The following NKD1 variants were observed in gnomAD, a reference collection of about 807,000 sequenced individuals.
The protein encoded by NKD1 is NKD inhibitor of Wnt signaling pathway 1, also known as protein naked cuticle homolog 1.
In NKD1, 21 loss-of-function variants were observed where a neutral mutation model predicts 56.0. The ratio of observed to expected loss-of-function variants is 0.38; its 90% CI spans 0.27 to 0.54. The LOEUF (loss-of-function observed/expected upper bound fraction) is 0.54. Ranked by LOEUF, NKD1 falls within the 20% of genes least tolerant of loss-of-function variation. NKD1 has a pLI of 0.82. For missense variants in NKD1, 578 were observed against 642.7 expected, an observed-to-expected ratio of 0.90 and a Z score of 1.09; for synonymous variants, 263 against 265.7, an observed-to-expected ratio of 0.99 and a Z score of 0.10.
Position 50,623,735 on chromosome 16 carries a change from G to GTA in NKD1, c.367-1749_367-1748insAT, listed in dbSNP as rs1234282387. Among the ~76,000 whole-genome samples, 1 of 151,692 alleles carries GTA rather than the reference G, an allele frequency of 6.6e-6. No homozygotes were observed. Among genetic ancestry groups the GTA allele is most frequent in the East Asian group, 1.9e-4 (1 of 5,164 alleles). On this transcript the variant is annotated intron_variant, in intron 5 of 9. Coordinates refer to ENST00000268459, the MANE Select transcript of NKD1 (RefSeq NM_033119.5). The surrounding 1 kb of genome is among the most constrained non-coding windows in gnomAD (Gnocchi z 4.1). ...GGAAACAGGTAAGTGCTGTGTGTGT[G>GTA]TGTGTGTGTGTGTGTGTGTGTGTGT...
rs5816707 is a variant in NKD1, at chr16:50,598,229, CTGTG to C, written c.193-10034_193-10031del. The stretch of plus-strand genomic sequence containing the variant: ...CACTGCAGGGCCGCATGGGTGGACT[CTGTG>C]TGTGTGTGTGTGTGTGTGTGTGTGT... On this transcript the variant is annotated intron_variant, in intron 3 of 9. Coordinates refer to ENST00000268459, the MANE Select transcript of NKD1 (RefSeq NM_033119.5). The surrounding 1 kb of genome is among the most constrained non-coding windows in gnomAD (Gnocchi z 4.2). Among the ~76,000 whole-genome samples the C allele has an allele frequency of 0.014, 2,009 of 143,920 alleles. 32 individuals are homozygous for C. Among genetic ancestry groups the C allele is most frequent in the African/African-American group, 0.034 (1,282 of 37,948 alleles). 94.4% of individuals were successfully genotyped at this position (143,920 alleles called of 152,430 possible). A position where few individuals can be genotyped will look rare whatever the true frequency, so the allele number is the denominator to read the frequency against.
chr16:50,583,834 T>A (rs757618895), intron 3 of NKD1, among the ~76,000 whole-genome samples: 37 of 152,326 alleles, frequency 2.4e-4, no homozygotes, highest in Non-Finnish European at 4.0e-4. Context: ...TGTGGCTTGA[T>A]CCCTTCATGG....
At chr16:50,609,836 T>C (rs1389622982) in intron 4 of NKD1, among the ~76,000 whole-genome samples, 1 of 152,184 alleles carries the variant, frequency 6.6e-6, no homozygotes, top group African/African-American at 2.4e-5. Context: ...AGGAGTCCCA[T>C]GAACAGAAAG....
intron 5 of NKD1, among the ~76,000 whole-genome samples, chr16:50,622,766 A>G (rs1962121569): frequency 6.6e-6 from 1 of 152,104 alleles, no homozygotes; most frequent in Non-Finnish European, 1.5e-5. Context: ...GGCACCGGCT[A>G]ATTGCCAGGG....
At chr16:50,608,077 T>C (rs2357620) in intron 3 of NKD1, 27,956 of 558,744 alleles carry the variant, frequency 0.05, 2,881 homozygotes, top group African/African-American at 0.32. Flanking sequence ...CCATAGCCTG[T>C]GGTGGCCTGA....
chr16:50,616,203 T>C (rs1961957088), intron 4 of NKD1: 1 of 409,254 alleles, frequency 2.4e-6, no homozygotes, highest in African/African-American at 2.0e-5. Flanking sequence ...TGGCTTGTGT[T>C]AAATCTTACA....
At chr16:50,589,228 C>A (rs571984673) in intron 3 of NKD1, among the ~76,000 whole-genome samples, 1 of 152,140 alleles carries the variant, frequency 6.6e-6, no homozygotes, top group Non-Finnish European at 1.5e-5. Flanking sequence ...ACTAAGTTCC[C>A]CTTTTTAATA....
At chr16:50,606,188 G>C (rs1335164752) in intron 3 of NKD1, 4 of 152,482 alleles carry the variant, frequency 2.6e-5, no homozygotes, top group African/African-American at 7.3e-5. Flanking sequence ...CCCCCAAGTA[G>C]TTGGGATTAC....
chr16:50,616,004 T>C (rs1161602434), intron 4 of NKD1: 2 of 447,634 alleles, frequency 4.5e-6, no homozygotes, highest in African/African-American at 4.0e-5. Flanking sequence ...CTAATTATAT[T>C]TGGCAGAGGC....
intron 3 of NKD1, chr16:50,554,019 T>A (rs916263691): frequency 6.6e-6 from 1 of 152,384 alleles, no homozygotes; most frequent in Admixed American, 6.5e-5. Flanking sequence ...TGTCATCTTC[T>A]TAGCGCTTTA....
At chr16:50,574,360 G>T (rs1399156253) in intron 3 of NKD1, 39 of 985,316 alleles carry the variant, frequency 4.0e-5, no homozygotes, top group Non-Finnish European at 4.6e-5. Context: ...GTTTAGTTTG[G>T]TTGACATTTC....
intron 3 of NKD1, among the ~76,000 whole-genome samples, chr16:50,561,972 G>A (rs926773245): frequency 2.6e-5 from 4 of 152,200 alleles, no homozygotes; most frequent in African/African-American, 9.7e-5. Flanking sequence ...TTGGTGAAGT[G>A]ACAGCAGAGG....
chr16:50,562,990 C>T lies in NKD1; in HGVS notation c.192+13435C>T, dbSNP rs5006960. 8.5e-3 allele frequency among the ~76,000 whole-genome samples: 939 copies of T among 110,044 alleles called. 21 individuals are homozygous for T. Among genetic ancestry groups the T allele is most frequent in the Non-Finnish European group, 0.012 (613 of 53,128 alleles). The allele number at this position is 110,044 out of a possible 152,430, so 72.2% of individuals were successfully genotyped here. On this transcript the variant is annotated intron_variant, in intron 3 of 9. Transcript: ENST00000268459. ...GGGCTGCTAGGTCCCACCACCACCCCCCCCCCCCGCCGTAGAATGGGTAGA... is the reference window on the plus strand; with the variant it reads ...GGGCTGCTAGGTCCCACCACCACCCTCCCCCCCCGCCGTAGAATGGGTAGA...
At chr16:50,572,724 GTCT>G (rs1960911310) in intron 3 of NKD1, among the ~76,000 whole-genome samples, 1 of 152,148 alleles carries the variant, frequency 6.6e-6, no homozygotes, top group Non-Finnish European at 1.5e-5. Context: ...CCTATGGTTC[GTCT>G]TCTTACCCAG....
intron 3 of NKD1, among the ~76,000 whole-genome samples, chr16:50,564,038 A>G (rs1295206854): frequency 2.0e-5 from 3 of 152,258 alleles, no homozygotes; most frequent in African/African-American, 7.2e-5. Context: ...AAGGAGTGCA[A>G]AGGAGTGATT....
At position 50,623,725 on chromosome 16, in the gene NKD1, C is replaced by CTGTGTG. The variant is rs71928407; in HGVS notation, c.367-1726_367-1721dup. 0.017 allele frequency among the ~76,000 whole-genome samples: 2,372 copies of CTGTGTG among 141,612 alleles called. 55 individuals carry two copies. Among genetic ancestry groups the CTGTGTG allele is most frequent in the African/African-American group, 0.05 (1,922 of 38,108 alleles). 92.9% of individuals were successfully genotyped at this position (141,612 alleles called of 152,430 possible). ...AAGCTGTCTTGGAAACAGGTAAGTG[C>CTGTGTG]TGTGTGTGTGTGTGTGTGTGTGTGT... On this transcript the variant is annotated intron_variant, in intron 5 of 9. Coordinates refer to ENST00000268459, the MANE Select transcript of NKD1 (RefSeq NM_033119.5). This position sits in a 1 kb window ranked among gnomAD's most constrained non-coding sequence, Gnocchi z 4.1.
Position 50,638,087 on chromosome 16 carries a change from G to A in NKD1, c.*4306G>A, listed in dbSNP as rs764306306. 6.6e-6 allele frequency: 1 copy of A among 152,170 alleles called. No individual in the cohort carries two copies. Among genetic ancestry groups the A allele is most frequent in the Non-Finnish European group, 1.5e-5 (1 of 68,042 alleles). The allele number at this position is 152,170 out of a possible 1,614,324, so 9.4% of individuals were successfully genotyped here. A position where few individuals can be genotyped will look rare whatever the true frequency, so the allele number is the denominator to read the frequency against. On this transcript the variant is annotated 3_prime_UTR_variant, in exon 10 of 10. Coordinates refer to ENST00000268459, the MANE Select transcript of NKD1 (RefSeq NM_033119.5). Reference sequence around the variant, plus strand: ...CCCGTTTTCTCAGTGTTTAGACCTCGAATTATTACTGGGCTAGAGGGAAGG... The same window carrying A: ...CCCGTTTTCTCAGTGTTTAGACCTCAAATTATTACTGGGCTAGAGGGAAGG...
At chr16:50,611,460 C>G (rs562872078) in intron 4 of NKD1, among the ~76,000 whole-genome samples, 1 of 152,246 alleles carries the variant, frequency 6.6e-6, no homozygotes, top group Non-Finnish European at 1.5e-5. Flanking sequence ...CCAGGGCAGG[C>G]CTTGCTTTGG....
At chr16:50,621,398 C>G (rs1018237643) in intron 4 of NKD1, among the ~76,000 whole-genome samples, 3 of 152,236 alleles carry the variant, frequency 2.0e-5, no homozygotes, top group Non-Finnish European at 4.4e-5. Flanking sequence ...CAAGTGGGTG[C>G]ACCATGTTGG....
Sources: allele counts gnomAD v4.1 joint callset (sites outside exome capture counted in the v4.1 genomes callset), GRCh38; gene constraint gnomAD v4.1.1; non-coding constraint Gnocchi (gnomAD v3.1); transcripts MANE v1.5; gene names NCBI Gene and HGNC (gene_info 2026-07-23, HGNC 2026-07-21).